UTRN: variants seen among roughly 807,000 people sequenced by gnomAD.
UTRN encodes the protein dystrophin-related protein 1.
Under a neutral mutation model 463.9 loss-of-function variants are expected in UTRN, and 283 were observed. That is an observed-to-expected ratio of 0.61 (90% CI 0.55 to 0.67). The LOEUF (loss-of-function observed/expected upper bound fraction) is 0.67. Ranked by LOEUF, UTRN falls within the 30% of genes least tolerant of loss-of-function variation. UTRN has a pLI of 0.00. For synonymous variants in UTRN, 1,442 were observed against 1,431.5 expected (o/e 1.01, Z -0.17); for missense variants, 3,922 against 4,084.3 (o/e 0.96, Z 1.08).
intron 51 of UTRN, among the ~76,000 whole-genome samples, chr6:144,590,434 G>GT: frequency 6.6e-6 from 1 of 152,092 alleles, no homozygotes; most frequent in South Asian, 2.1e-4. Flanking sequence ...CCCACATGTA[G>GT]TTTTTTATCA....
Position 144,678,727 on chromosome 6 carries a change from T to G in UTRN, c.7652+149T>G, listed in dbSNP as rs77443771. 25 of 765,644 alleles carry G rather than the reference T, an allele frequency of 3.3e-5. 1 individual carries two copies. In the Middle Eastern group the frequency reaches 1.5e-3, roughly 47 times the overall value. 47.4% of individuals were successfully genotyped at this position (765,644 alleles called of 1,614,324 possible). ...AGATTTTAATGCAAAGCCTGTTTCC[T>G]TGAGTTATATAGTTCAAGCTCTATT... On this transcript the variant is annotated intron_variant, in intron 52 of 74. Coordinates refer to ENST00000367545, the MANE Select transcript of UTRN (RefSeq NM_007124.3).
At chr6:144,295,168 C>G (rs656471) in intron 2 of UTRN, among the ~76,000 whole-genome samples, 32,694 of 152,122 alleles carry the variant, frequency 0.21, 4,066 homozygotes, top group South Asian at 0.41. Flanking sequence ...AAATTTATTG[C>G]CAGTAGAGTG....
chr6:144,568,046 C>T (rs1316774899), intron 50 of UTRN, among the ~76,000 whole-genome samples: 6 of 152,156 alleles, frequency 3.9e-5, no homozygotes, highest in African/African-American at 1.4e-4. Flanking sequence ...GTCATAGCTG[C>T]TTTTATTACA....
In UTRN at chr6:144,748,442, C is replaced by T. The variant is rs374773628; in HGVS notation, c.8136C>T (p.Ser2712=). The change falls in exon 55 of 75, where the codon TCC becomes TCT. Residue 2712 remains serine, a synonymous_variant. Coordinates refer to ENST00000367545, the MANE Select transcript of UTRN (RefSeq NM_007124.3). ...ACGCTGACATGAAGGAGGCAGAGTC[C>T]GTGCGGAATGGCTGGAAGCCCGTGG... is the stretch of plus-strand genomic sequence containing the variant. ...DLDADMKEAE[S]VRNGWKPVGD... 30 of 1,613,810 alleles carry T rather than the reference C, an allele frequency of 1.9e-5. No individual in the cohort carries two copies. Among genetic ancestry groups the T allele is most frequent in the Admixed American group, 1.0e-4 (6 of 59,988 alleles).
intron 61 of UTRN, among the ~76,000 whole-genome samples, chr6:144,782,731 T>C (rs1775954254): frequency 6.6e-6 from 1 of 152,088 alleles, no homozygotes; most frequent in Non-Finnish European, 1.5e-5. Flanking sequence ...TAAAGCACAC[T>C]CTCAACTCCC....
At chr6:144,647,867 G>T (rs886736184) in intron 51 of UTRN, among the ~76,000 whole-genome samples, 9 of 152,196 alleles carry the variant, frequency 5.9e-5, no homozygotes, top group Non-Finnish European at 1.3e-4. Flanking sequence ...ATGGTGTCTA[G>T]TACCTGTGCC....
chr6:144,319,984 G>C (rs1775531841), intron 2 of UTRN, among the ~76,000 whole-genome samples: 1 of 151,982 alleles, frequency 6.6e-6, no homozygotes, highest in Non-Finnish European at 1.5e-5. Flanking sequence ...CTCCTGAATA[G>C]TTGGGATTAC....
At chr6:144,451,325 G>T in intron 17 of UTRN, 45 bp from the exon 18 acceptor site, 1 of 1,585,376 alleles carries the variant, frequency 6.3e-7, no homozygotes, top group Non-Finnish European at 8.6e-7. Flanking sequence ...AAGTAAAACA[G>T]TAGAAGGAAA....
At chr6:144,476,960 G>A (rs992018103) in intron 25 of UTRN, among the ~76,000 whole-genome samples, 1 of 152,000 alleles carries the variant, frequency 6.6e-6, no homozygotes, top group South Asian at 2.1e-4. Flanking sequence ...AATAATGAGA[G>A]ATATTAAATG....
At chr6:144,824,591 TA>T (rs1586729046) in intron 66 of UTRN, among the ~76,000 whole-genome samples, 1 of 53,002 alleles carries the variant, frequency 1.9e-5, no homozygotes, top group Non-Finnish European at 2.9e-5. Context: ...TATATATATA[TA>T]TATATATATA....
intron 69 of UTRN, among the ~76,000 whole-genome samples, chr6:144,830,948 A>G (rs1454735480): frequency 6.6e-6 from 1 of 152,204 alleles, no homozygotes; most frequent in Non-Finnish European, 1.5e-5. Flanking sequence ...ATCAAAAAGT[A>G]TTTAAATCAC....
intron 2 of UTRN, among the ~76,000 whole-genome samples, chr6:144,382,819 T>G (rs1781051795): frequency 6.6e-6 from 1 of 152,214 alleles, no homozygotes; most frequent in South Asian, 2.1e-4. Flanking sequence ...GAAAACATGA[T>G]TCATGGATGG....
Position 144,487,593 on chromosome 6 carries a change from A to C in UTRN, c.3868A>C (p.Ile1290Leu). ...CCACCCGGCAGATAATCGCACCCAGATTCGAGAGCTTGGCCAGACTCTGAT... is the reference window on the plus strand; with the variant it reads ...CCACCCGGCAGATAATCGCACCCAGCTTCGAGAGCTTGGCCAGACTCTGAT... ...LRHPADNRTQ[I>L]RELGQTLIDG... is the part of the protein sequence containing the mutation. Residue 1290 changes from isoleucine to leucine, a missense_variant, in exon 29 of 75, where the codon ATT (isoleucine) becomes CTT (leucine). By Grantham distance (5) the Ile-to-Leu change is conservative. This residue lies in a region of UTRN where 2,349 missense variants were observed against 2,303.8 expected (regional missense o/e 1.02). Transcript: ENST00000367545. 6.2e-7 allele frequency: 1 copy of C among 1,613,454 alleles called. No individual in the cohort carries two copies. Among genetic ancestry groups the C allele is most frequent in the Non-Finnish European group, 8.5e-7 (1 of 1,179,628 alleles).
At chr6:144,761,486 C>A (rs927407065) in intron 58 of UTRN, among the ~76,000 whole-genome samples, 2 of 151,970 alleles carry the variant, frequency 1.3e-5, no homozygotes, top group Admixed American at 6.6e-5. Flanking sequence ...AAAACCCCAT[C>A]TCTACAAAAA....
intron 51 of UTRN, among the ~76,000 whole-genome samples, chr6:144,608,213 G>C (rs1260283435): frequency 1.3e-5 from 2 of 152,160 alleles, no homozygotes; most frequent in East Asian, 3.9e-4. Context: ...AATAGAAAAA[G>C]ACTGACCTCC....
At chr6:144,548,275 A>G (rs992780001) in intron 46 of UTRN, among the ~76,000 whole-genome samples, 3 of 152,230 alleles carry the variant, frequency 2.0e-5, no homozygotes, top group African/African-American at 7.2e-5. Flanking sequence ...AAATATGCTC[A>G]CATTATAAAG....
At chr6:144,586,682 C>T (rs1006218231) in intron 51 of UTRN, among the ~76,000 whole-genome samples, 7 of 151,704 alleles carry the variant, frequency 4.6e-5, no homozygotes, top group African/African-American at 1.7e-4. Flanking sequence ...TTTGTAAGTC[C>T]TCCTTATTTT....
At chr6:144,732,726 A>AT (rs1486803174) in intron 54 of UTRN, among the ~76,000 whole-genome samples, 1 of 147,378 alleles carries the variant, frequency 6.8e-6, no homozygotes, top group African/African-American at 2.5e-5. Context: ...ATGTTATGTT[A>AT]TTTTGAGACA....
In UTRN at chr6:144,516,927, T is replaced by C; in HGVS notation, c.5520T>C (p.His1840=). 1 of 1,486,692 alleles carries C rather than the reference T, an allele frequency of 6.7e-7. No homozygotes were observed. Among genetic ancestry groups the C allele is most frequent in the Non-Finnish European group, 8.9e-7 (1 of 1,122,718 alleles). The allele number at this position is 1,486,692 out of a possible 1,614,324, so 92.1% of individuals were successfully genotyped here. ...TCCGTTTGCAATTATTACTTTTGCA[T>C]ACTAGATACAACAAAATTAAGGTAT... ...EKIRLQLLLL[H]TRYNKIKAIP... is the part of the protein sequence containing the mutation. Residue 1840 remains histidine (H), a synonymous_variant, in exon 39 of 75, where the codon CAT becomes CAC. Coordinates refer to ENST00000367545, the MANE Select transcript of UTRN (RefSeq NM_007124.3).
Sources: allele counts gnomAD v4.1 joint callset (sites outside exome capture counted in the v4.1 genomes callset), GRCh38; gene constraint gnomAD v4.1.1; regional missense constraint gnomAD v4.1.1; transcripts MANE v1.5; gene names NCBI Gene and HGNC (gene_info 2026-07-23, HGNC 2026-07-21).